Variants in KCNH2 observed in about 807,000 individuals in gnomAD.
KCNH2 encodes the protein potassium voltage-gated channel subfamily H member 2, also known as voltage-gated inwardly rectifying potassium channel KCNH2.
A neutral mutation model predicts 95.9 loss-of-function variants in KCNH2; 35 were observed. The ratio of observed to expected loss-of-function variants is 0.37; its 90% CI spans 0.28 to 0.48. The LOEUF (loss-of-function observed/expected upper bound fraction) is 0.48. Ranked by LOEUF, KCNH2 falls within the 20% of genes least tolerant of loss-of-function variation. The probability of loss-of-function intolerance (pLI) is 0.99; values close to 1 mark genes in which losing one functional copy is unlikely to be tolerated. For synonymous variants in KCNH2, 786 were observed against 754.7 expected (o/e 1.04, Z -0.68); for missense variants, 1,274 against 1,702.9 (o/e 0.75, Z 4.43).
chr7:150,952,043 A>G lies in KCNH2; in HGVS notation c.1558-208T>C, dbSNP rs1404866064. 3.3e-5 allele frequency among the ~76,000 whole-genome samples: 5 copies of G among 152,140 alleles called. No individual in the cohort carries two copies. The highest frequency in any genetic ancestry group is 3.3e-4 in the Admixed American group (5 of 15,292). ...GCTTTGGGACAGAGGCAGCCCCCATAGTGTGGATGAGGAAACAGGGGCACT... is the reference window on the plus strand; with the variant it reads ...GCTTTGGGACAGAGGCAGCCCCCATGGTGTGGATGAGGAAACAGGGGCACT... On this transcript the variant is annotated intron_variant, in intron 6 of 14. Transcript: ENST00000262186. The surrounding 1 kb of genome is among the most constrained non-coding windows in gnomAD (Gnocchi z 7.3).
At chr7:150,950,451 C>A (rs1488027823) in intron 8 of KCNH2, 31 bp from the exon 9 acceptor site, 3 of 1,607,370 alleles carry the variant, frequency 1.9e-6, no homozygotes, top group African/African-American at 2.7e-5. Context: ...GCTCAGCACA[C>A]CCTCCCTTGG....
intron 2 of KCNH2, among the ~76,000 whole-genome samples, chr7:150,969,053 C>T (rs1801774029): frequency 6.6e-6 from 1 of 152,212 alleles, no homozygotes; most frequent in African/African-American, 2.4e-5. Context: ...CAGACCCCAG[C>T]TAAAATCCAA....
In KCNH2 at chr7:150,952,167, A is replaced by G. The variant is rs1801197622; in HGVS notation, c.1557+258T>C. ...AATAATGGCCCCTTGGGATGGACGA[A>G]TTAGAAAAAAAGGTGTCCTGTGTGG... On this transcript the variant is annotated intron_variant, in intron 6 of 14. Coordinates refer to ENST00000262186, the MANE Select transcript of KCNH2 (RefSeq NM_000238.4). This position sits in a 1 kb window ranked among gnomAD's most constrained non-coding sequence, Gnocchi z 7.3. Among the ~76,000 whole-genome samples the G allele has an allele frequency of 7.3e-6, 1 of 137,182 alleles. No homozygotes were observed. The highest frequency in any genetic ancestry group is 1.5e-5 in the Non-Finnish European group (1 of 64,696). 90.0% of individuals were successfully genotyped at this position (137,182 alleles called of 152,430 possible).
rs758142192 is a variant in KCNH2 at position 150,945,543 on chromosome 7, G to A, written c.3331-29C>T. ...CAATACACACAGAGCATGGGCAGGC[G>A]AAGAGGCCATGGAGGAGGAGGAAGG... On this transcript the variant is annotated intron_variant, in intron 14 of 14. Transcript: ENST00000262186. This position sits in a 1 kb window ranked among gnomAD's most constrained non-coding sequence, Gnocchi z 5.6. The A allele has an allele frequency of 2.0e-5, 31 of 1,554,840 alleles. 2 individuals are homozygous for A. The highest frequency in any genetic ancestry group is 3.3e-4 in the Middle Eastern group (2 of 6,012).
intron 11 of KCNH2, 28 bp downstream of exon 11, chr7:150,948,416 T>TTCCCCCCCCCCCCCCCC: frequency 5.0e-6 from 2 of 402,876 alleles, no homozygotes; most frequent in Admixed American, 6.9e-5. Context: ...GTCCCCGCCC[T>TTCCCCCCCCCCCCCCCC]CCCCCTTCCT....
chr7:150,970,177 C>T (rs1361352008), intron 2 of KCNH2, among the ~76,000 whole-genome samples: 2 of 152,098 alleles, frequency 1.3e-5, no homozygotes, highest in African/African-American at 2.4e-5. Flanking sequence ...CAGGGAAATA[C>T]CAACATGTGA....
At chr7:150,974,544 AC>A (rs950911944) in intron 2 of KCNH2, among the ~76,000 whole-genome samples, 166 bp downstream of exon 2, 86 of 152,218 alleles carry the variant, frequency 5.6e-4, no homozygotes, top group African/African-American at 2.1e-3. Context: ...CCACAGGCAC[AC>A]CGCAGGGCCC....
At position 150,945,365 on chromosome 7, in the gene KCNH2, C is replaced by T. The variant is rs1442029629; in HGVS notation, c.3480G>A (p.Ter1160=). The T allele has an allele frequency of 6.3e-7, 1 of 1,587,070 alleles. No individual in the cohort carries two copies. Among genetic ancestry groups the T allele is most frequent in the South Asian group, 1.1e-5 (1 of 87,092 alleles). Residue 1160 remains the stop codon, a stop_retained_variant, in exon 15 of 15, where the codon TAG becomes TAA. Transcript: ENST00000262186. The surrounding 1 kb of genome is among the most constrained non-coding windows in gnomAD (Gnocchi z 5.6). ...CACGTGTCCACACTGGGCAGCCCCA[C>T]TAACTGCCCGGGTCCGAGCCGTGTC... ...LHRHGSDPGS[*] is the part of the protein sequence containing the mutation.
intron 2 of KCNH2, among the ~76,000 whole-genome samples, chr7:150,966,187 G>A (rs1415544355): frequency 6.6e-6 from 1 of 152,136 alleles, no homozygotes; most frequent in East Asian, 1.9e-4. Context: ...GCACACAGCT[G>A]CCACTGTCCA....
Position 150,947,657 on chromosome 7 carries a change from G to A in KCNH2, c.2914C>T (p.Pro972Ser). The change falls in exon 12 of 15, where the codon CCC (proline) becomes TCC (serine). Residue 972 changes from proline (P) to serine (S), a missense_variant. Pro to Ser is a moderately conservative substitution (Grantham distance 74, BLOSUM62 -1). Coordinates refer to ENST00000262186, the MANE Select transcript of KCNH2 (RefSeq NM_000238.4). ...RPPGEPPGGE[P>S]LMEDCEKSSD... ...CTCTTCTCGCAGTCCTCCATCAGGG[G>A]CTCCCCACCCGGCGGCTCTCCGGGG... The A allele has an allele frequency of 1.2e-6, 2 of 1,610,656 alleles. No individual in the cohort carries two copies. The highest frequency in any genetic ancestry group is 2.2e-5 in the East Asian group (1 of 44,764).
chr7:150,955,799 G>C, intron 5 of KCNH2: 1 of 1,162,884 alleles, frequency 8.6e-7, no homozygotes, highest in Non-Finnish European at 1.1e-6. Flanking sequence ...AGCAGCGGCC[G>C]CACTCGGAAC....
intron 7 of KCNH2, 89 bp downstream of exon 7, chr7:150,951,359 A>T: frequency 6.5e-7 from 1 of 1,543,034 alleles, no homozygotes; most frequent in Non-Finnish European, 8.9e-7. Context: ...CCAGGGCCTC[A>T]CTCTGGCCCG....
chr7:150,958,295 G>T lies in KCNH2; in HGVS notation c.680C>A (p.Pro227His). ...CACCAGCGCACGCCGCTCCTCCGCGGGCCCGAGCCCTGCCACGTGGTTGTC... is the reference window on the plus strand; with the variant it reads ...CACCAGCGCACGCCGCTCCTCCGCGTGCCCGAGCCCTGCCACGTGGTTGTC... ...AMDNHVAGLG[P>H]AEERRALVGP... The change falls in exon 4 of 15, where the codon CCC (proline) becomes CAC (histidine). Residue 227 changes from proline (P) to histidine (H), a missense_variant. Transcript: ENST00000262186. The T allele has an allele frequency of 6.8e-7, 1 of 1,472,594 alleles. No individual in the cohort carries two copies. The allele number at this position is 1,472,594 out of a possible 1,614,324, so 91.2% of individuals were successfully genotyped here.
intron 13 of KCNH2, 41 bp from the exon 14 acceptor site, chr7:150,947,095 C>G: frequency 1.3e-6 from 2 of 1,497,272 alleles, no homozygotes; most frequent in Non-Finnish European, 1.8e-6. Context: ...AGTGGGGACA[C>G]CAGTGACAGC....
Position 150,960,353 on chromosome 7 carries a change from A to G in KCNH2, c.308-617T>C, listed in dbSNP as rs554908231. ...TTATGGGGTACACAGTGATGTTGTGATACACATAATGTATATAATTCTTTT... is the reference window on the plus strand; with the variant it reads ...TTATGGGGTACACAGTGATGTTGTGGTACACATAATGTATATAATTCTTTT... On this transcript the variant is annotated intron_variant, in intron 2 of 14. Coordinates refer to ENST00000262186, the MANE Select transcript of KCNH2 (RefSeq NM_000238.4). Among the ~76,000 whole-genome samples the G allele has an allele frequency of 1.5e-3, 223 of 152,370 alleles. 1 individual carries two copies. Among genetic ancestry groups the G allele is most frequent in the African/African-American group, 5.0e-3 (210 of 41,586 alleles).
intron 2 of KCNH2, 100 bp downstream of exon 2, chr7:150,974,611 G>GC: frequency 1.3e-6 from 1 of 795,738 alleles, no homozygotes; most frequent in South Asian, 1.7e-5. Flanking sequence ...TTCTCCAGCC[G>GC]CCCCCACACC....
In KCNH2 at chr7:150,958,333, T is replaced by C. The variant is rs1801453686; in HGVS notation, c.642A>G (p.Glu214=). 1 of 1,489,704 alleles carries C rather than the reference T, an allele frequency of 6.7e-7. No individual in the cohort carries two copies. The highest frequency in any genetic ancestry group is 8.9e-7 in the Non-Finnish European group (1 of 1,127,258). The allele number at this position is 1,489,704 out of a possible 1,614,324, so 92.3% of individuals were successfully genotyped here. ...APSSESLALD[E]VTAMDNHVAG... is the part of the protein sequence containing the mutation. The stretch of plus-strand genomic sequence containing the variant: ...CCACGTGGTTGTCCATGGCTGTCAC[T>C]TCGTCCAGGGCCAGCGACTCGCTGC... Residue 214 remains glutamate, a synonymous_variant, in exon 4 of 15, where the codon GAA becomes GAG. Coordinates refer to ENST00000262186, the MANE Select transcript of KCNH2 (RefSeq NM_000238.4).
rs1047017690 is a variant in KCNH2, at chr7:150,946,789, C to G, written c.3330+88G>C. 7.8e-7 allele frequency: 1 copy of G among 1,283,562 alleles called. No homozygotes were observed. Among genetic ancestry groups the G allele is most frequent in the African/African-American group, 1.5e-5 (1 of 68,348 alleles). 79.5% of individuals were successfully genotyped at this position (1,283,562 alleles called of 1,614,324 possible). On this transcript the variant is annotated intron_variant, in intron 14 of 14. Coordinates refer to ENST00000262186, the MANE Select transcript of KCNH2 (RefSeq NM_000238.4). This position sits in a 1 kb window ranked among gnomAD's most constrained non-coding sequence, Gnocchi z 6.5. ...GGTTCAGGGAGGCTGGGCCACAGAGCCCAGCAGAAAGGCAGCAAAGCAGGT... is the reference window on the plus strand; with the variant it reads ...GGTTCAGGGAGGCTGGGCCACAGAGGCCAGCAGAAAGGCAGCAAAGCAGGT...
At position 150,952,953 on chromosome 7, in the gene KCNH2, G is replaced by C; in HGVS notation, c.1129-100C>G. The C allele has an allele frequency of 2.5e-6, 3 of 1,205,790 alleles. No individual in the cohort carries two copies. The highest frequency in any genetic ancestry group is 2.3e-6 in the Non-Finnish European group (2 of 854,604). 74.7% of individuals were successfully genotyped at this position (1,205,790 alleles called of 1,614,324 possible). On this transcript the variant is annotated intron_variant, in intron 5 of 14. Coordinates refer to ENST00000262186, the MANE Select transcript of KCNH2 (RefSeq NM_000238.4). This position sits in a 1 kb window ranked among gnomAD's most constrained non-coding sequence, Gnocchi z 7.3. ...CCGGGGCCAAGCAGAATGAGGAGGA[G>C]GCCAAAAAAAGCTTCCATCAGAATG...
Sources: allele counts gnomAD v4.1 joint callset (sites outside exome capture counted in the v4.1 genomes callset), GRCh38; gene constraint gnomAD v4.1.1; non-coding constraint Gnocchi (gnomAD v3.1); transcripts MANE v1.5; gene names NCBI Gene and HGNC (gene_info 2026-07-23, HGNC 2026-07-21).